Variants in CCDC14 observed in about 807,000 individuals in gnomAD.
CCDC14 encodes coiled-coil domain containing 14.
Under a neutral mutation model 81.4 loss-of-function variants are expected in CCDC14, and 71 were observed. The observed-to-expected ratio is 0.87, with a 90% confidence interval of 0.72 to 1.06. The LOEUF is 1.06. Ranked by LOEUF, CCDC14 falls within the 50% of genes least tolerant of loss-of-function variation. The pLI is 0.00. For synonymous variants in CCDC14, 332 were observed against 364.8 expected, an observed-to-expected ratio of 0.91 and a Z score of 1.03; for missense variants, 1,046 against 1,047.3, an observed-to-expected ratio of 1.00 and a Z score of 0.02.
chr3:123,942,625 T>C (rs1449308195), intron 9 of CCDC14, among the ~76,000 whole-genome samples: 1 of 145,588 alleles, frequency 6.9e-6, no homozygotes, highest in Non-Finnish European at 1.5e-5. Flanking sequence ...GTGTAGATCC[T>C]TGCAGGTCAT....
chr3:123,905,432 C>A (rs2700367), intron 5 of CCDC14, among the ~76,000 whole-genome samples: 2 of 151,996 alleles, frequency 1.3e-5, no homozygotes, highest in Admixed American at 1.3e-4. Flanking sequence ...AGTTGCCTTA[C>A]GGCAGGGCTT....
At chr3:123,931,721 T>G (rs2035732039) in intron 10 of CCDC14, among the ~76,000 whole-genome samples, 195 bp from the exon 11 acceptor site, 1 of 152,208 alleles carries the variant, frequency 6.6e-6, no homozygotes, top group Non-Finnish European at 1.5e-5. Context: ...TACCTTTCTT[T>G]TCCAGTTGAC....
intron 5 of CCDC14, among the ~76,000 whole-genome samples, chr3:123,900,507 C>A (rs552004138): frequency 6.6e-6 from 1 of 152,322 alleles, no homozygotes; most frequent in South Asian, 2.1e-4. Context: ...ATCCACTTTT[C>A]CTTCCTGGTA....
chr3:123,903,746 G>T (rs1439792280), intron 5 of CCDC14, among the ~76,000 whole-genome samples: 1 of 152,138 alleles, frequency 6.6e-6, no homozygotes, highest in Non-Finnish European at 1.5e-5. Context: ...TTTAGATTGT[G>T]ATTTAATCTT....
At chr3:123,900,498 T>C (rs1474285256) in intron 5 of CCDC14, among the ~76,000 whole-genome samples, 1 of 152,208 alleles carries the variant, frequency 6.6e-6, no homozygotes, top group East Asian at 1.9e-4. Context: ...AAGGTGTATA[T>C]CCACTTTTCC....
At chr3:123,940,868 T>C (rs900471330) in intron 9 of CCDC14, among the ~76,000 whole-genome samples, 12 of 152,040 alleles carry the variant, frequency 7.9e-5, no homozygotes, top group African/African-American at 2.9e-4. Flanking sequence ...TCACAGGCTC[T>C]CCTATTACCT....
At position 123,913,844 on chromosome 3, in the gene CCDC14, G is replaced by T. The variant is rs769084364; in HGVS notation, c.*935C>A. On this transcript the variant is annotated 3_prime_UTR_variant, in exon 13 of 13. Transcript: ENST00000409697. Reference sequence around the variant, plus strand: ...CATTCAGCTTCCTAAGAGTTAAAACGTGCTGCTTACATGAAGGGAGATGAT... The same window carrying T: ...CATTCAGCTTCCTAAGAGTTAAAACTTGCTGCTTACATGAAGGGAGATGAT... The T allele has an allele frequency of 1.0e-6, 1 of 985,284 alleles. No individual in the cohort carries two copies. The highest frequency in any genetic ancestry group is 1.2e-6 in the Non-Finnish European group (1 of 829,888). 61.0% of individuals were successfully genotyped at this position (985,284 alleles called of 1,614,324 possible).
In CCDC14 at chr3:123,901,876, G is replaced by A. The variant is rs145762789; in HGVS notation, c.668-4263C>T. On this transcript the variant is annotated intron_variant, in intron 5 of 5. Transcript: ENST00000479903. ...CAAAGGATACAAACAACTTACTAAT[G>A]AGTAGTATCAAAAGGCCCAACAAAC... is the stretch of plus-strand genomic sequence containing the variant. 4.4e-3 allele frequency among the ~76,000 whole-genome samples: 673 copies of A among 152,144 alleles called. 2 individuals are homozygous for A. The highest frequency in any genetic ancestry group is 0.016 in the African/African-American group (653 of 41,532).
chr3:123,913,410 C>A, downstream of CCDC14: 1 of 983,136 alleles, frequency 1.0e-6, no homozygotes, highest in Non-Finnish European at 1.2e-6. Context: ...TGGGAGTAGA[C>A]AGATGACACA....
rs1156259327 is a variant in CCDC14 at position 123,961,214 on chromosome 3, GC to G, written c.-42del. On this transcript the variant is annotated 5_prime_UTR_variant, in exon 1 of 13. Transcript: ENST00000409697. ...AGAAGCCCAGACCGAGGGAAGTGAA[GC>G]CTCACGGTAAAAAGAATTAACCGCC... 2 of 1,551,600 alleles carry G rather than the reference GC, an allele frequency of 1.3e-6. No individual in the cohort carries two copies. Among genetic ancestry groups the G allele is most frequent in the East Asian group, 2.4e-5 (1 of 40,922 alleles).
Position 123,949,016 on chromosome 3 carries a change from T to C in CCDC14, c.469A>G (p.Ile157Val). 6.2e-7 allele frequency: 1 copy of C among 1,613,894 alleles called. No individual in the cohort carries two copies. Among genetic ancestry groups the C allele is most frequent in the Non-Finnish European group, 8.5e-7 (1 of 1,179,826 alleles). ...LQDHYRMYSP[I>V]IYQALCEHVQ... ...TGCTCACAGAGGGCTTGGTATATTATGGGTGAATACATTCTATAATGATCT... is the reference window on the plus strand; with the variant it reads ...TGCTCACAGAGGGCTTGGTATATTACGGGTGAATACATTCTATAATGATCT... Residue 157 changes from isoleucine to valine, a missense_variant, in exon 6 of 13, where the codon ATA becomes GTA. Ile to Val is a conservative substitution (Grantham distance 29). Transcript: ENST00000409697.
chr3:123,886,433 C>CTAGAG, the CCDC14 span, among the ~76,000 whole-genome samples: 1 of 149,900 alleles, frequency 6.7e-6, no homozygotes, highest in Non-Finnish European at 1.5e-5. Context: ...GAGTCTCACT[C>CTAGAG]TGTCACCAGG....
At chr3:123,949,952 C>T (rs1240940343) in intron 5 of CCDC14, among the ~76,000 whole-genome samples, 1 of 152,184 alleles carries the variant, frequency 6.6e-6, no homozygotes, top group Non-Finnish European at 1.5e-5. Flanking sequence ...ACAAGTTTCT[C>T]TAAGCAGGGC....
intron 12 of CCDC14, among the ~76,000 whole-genome samples, chr3:123,919,925 A>G (rs1433108038): frequency 1.3e-5 from 2 of 152,218 alleles, no homozygotes; most frequent in Non-Finnish European, 2.9e-5. Context: ...AATGGACTCT[A>G]AAGAAATGAG....
chr3:123,898,193 A>G (rs765949728), intron 5 of CCDC14, among the ~76,000 whole-genome samples: 1 of 152,172 alleles, frequency 6.6e-6, no homozygotes, highest in Non-Finnish European at 1.5e-5. Flanking sequence ...TCTGGACCCG[A>G]ATTTCCTAAT....
At chr3:123,897,661 C>A in intron 5 of CCDC14, 1 of 916,240 alleles carries the variant, frequency 1.1e-6, no homozygotes, top group Non-Finnish European at 1.4e-6. Flanking sequence ...CTTGGGATTA[C>A]ATTCTATTAT....
At chr3:123,948,205 T>C (rs1015250086) in intron 7 of CCDC14, among the ~76,000 whole-genome samples, 31 of 151,860 alleles carry the variant, frequency 2.0e-4, no homozygotes, top group African/African-American at 7.5e-4. Flanking sequence ...TTCATTATTG[T>C]CATTAATAAA....
intron 5 of CCDC14, among the ~76,000 whole-genome samples, chr3:123,901,013 C>G (rs112547914): frequency 2.0e-5 from 3 of 151,936 alleles, no homozygotes; most frequent in Non-Finnish European, 2.9e-5. Flanking sequence ...GCAGGCAGAT[C>G]GTGAGGTCAG....
chr3:123,955,980 A>G lies in CCDC14; in HGVS notation c.230-15T>C. On this transcript the variant is annotated splice_polypyrimidine_tract_variant and intron_variant, in intron 4 of 12. Transcript: ENST00000409697. ...TGTTTCTGAACCTATTAATAAAACA[A>G]AAATTTGTTACATCAAAATAATGAC... The G allele has an allele frequency of 6.5e-7, 1 of 1,528,242 alleles. No homozygotes were observed. Among genetic ancestry groups the G allele is most frequent in the Non-Finnish European group, 8.8e-7 (1 of 1,138,612 alleles). 94.7% of individuals were successfully genotyped at this position (1,528,242 alleles called of 1,614,324 possible).
Sources: gnomAD v4.1 joint callset for allele counts (sites outside exome capture counted in the v4.1 genomes callset) on GRCh38, gnomAD v4.1.1 for gene constraint, MANE v1.5 for transcripts, NCBI Gene and HGNC (gene_info 2026-07-23, HGNC 2026-07-21) for gene names.